PREX1: variants seen among roughly 807,000 people sequenced by gnomAD.
The protein encoded by PREX1 is phosphatidylinositol-3,4,5-trisphosphate dependent Rac exchange factor 1, also known as phosphatidylinositol 3,4,5-trisphosphate-dependent Rac exchanger 1 protein.
PREX1 carries 41 observed loss-of-function variants against 198.3 expected under a neutral mutation model. The ratio of observed to expected loss-of-function variants is 0.21; its 90% CI spans 0.16 to 0.27. The LOEUF is 0.27. Among genes scored for constraint, PREX1 ranks in the 10% least tolerant of loss-of-function variants. The pLI is 1.00. For synonymous variants in PREX1, 843 were observed against 887.2 expected (o/e 0.95, Z 0.89); for missense variants, 1,620 against 2,200.7 (o/e 0.74, Z 5.28).
chr20:48,661,963 C>T (rs1044561053), intron 15 of PREX1, among the ~76,000 whole-genome samples: 1 of 152,192 alleles, frequency 6.6e-6, no homozygotes, highest in African/African-American at 2.4e-5. Flanking sequence ...CCAGTGGGTG[C>T]CTGAAACAAG....
intron 32 of PREX1, among the ~76,000 whole-genome samples, chr20:48,635,458 T>A (rs1410317223): frequency 6.6e-6 from 1 of 152,208 alleles, no homozygotes; most frequent in East Asian, 1.9e-4. Flanking sequence ...TGCTTCCAGA[T>A]TAAAGTCTCA....
chr20:48,631,871 C>T (rs1461317506), intron 35 of PREX1, among the ~76,000 whole-genome samples: 1 of 152,138 alleles, frequency 6.6e-6, no homozygotes, highest in Non-Finnish European at 1.5e-5. Context: ...TCTGAGCAGC[C>T]AAGACCCTGG....
chr20:48,785,335 C>T (rs528739155), intron 1 of PREX1, among the ~76,000 whole-genome samples: 5 of 152,234 alleles, frequency 3.3e-5, no homozygotes, highest in African/African-American at 1.2e-4. Flanking sequence ...GTGGCTGCCC[C>T]GCTCCCACAC....
At chr20:48,833,332 T>C in the PREX1 span, among the ~76,000 whole-genome samples, 2,119 of 152,174 alleles carry the variant, frequency 0.014, 44 homozygotes, top group African/African-American at 0.048. Flanking sequence ...GTCACTGAGA[T>C]CCTGAATTAA....
intron 2 of PREX1, among the ~76,000 whole-genome samples, chr20:48,745,358 G>A (rs770733653): frequency 8.5e-5 from 13 of 152,158 alleles, no homozygotes; most frequent in Non-Finnish European, 1.8e-4. Context: ...GTGACTAATC[G>A]TGTGTTAAGA....
At chr20:48,696,497 A>C (rs953085882) in intron 7 of PREX1, among the ~76,000 whole-genome samples, 1 of 152,198 alleles carries the variant, frequency 6.6e-6, no homozygotes, top group South Asian at 2.1e-4. Flanking sequence ...AGGACTTGGA[A>C]TCCAGTAATA....
At chr20:48,807,153 C>T (rs1034589855) in intron 1 of PREX1, among the ~76,000 whole-genome samples, 1 of 152,102 alleles carries the variant, frequency 6.6e-6, no homozygotes, top group Non-Finnish European at 1.5e-5. Context: ...ACTAGTGTAG[C>T]AATGCCAAAA....
the PREX1 span, among the ~76,000 whole-genome samples, chr20:48,851,971 C>T: frequency 1.3e-4 from 20 of 152,048 alleles, no homozygotes; most frequent in African/African-American, 3.9e-4. Context: ...AAGGACCTTT[C>T]GAGAATTCCA....
intron 10 of PREX1, among the ~76,000 whole-genome samples, chr20:48,683,609 G>A (rs1384840071): frequency 1.3e-5 from 2 of 152,220 alleles, no homozygotes; most frequent in Non-Finnish European, 2.9e-5. Flanking sequence ...AGACTGTGCA[G>A]AACCAGCCGG....
chr20:48,772,111 T>G (rs6125461), intron 1 of PREX1, among the ~76,000 whole-genome samples: 11,274 of 152,130 alleles, frequency 0.074, 603 homozygotes, highest in East Asian at 0.14. Context: ...AGAGAATCGC[T>G]CGAACCTGGG....
the PREX1 span, among the ~76,000 whole-genome samples, chr20:48,836,792 G>T: frequency 4.0e-5 from 6 of 148,850 alleles, no homozygotes; most frequent in East Asian, 1.2e-3. Context: ...GCACACACTT[G>T]TAATCCCCAC....
intron 1 of PREX1, among the ~76,000 whole-genome samples, chr20:48,795,336 A>G (rs1236651943): frequency 6.6e-6 from 1 of 152,190 alleles, no homozygotes; most frequent in Non-Finnish European, 1.5e-5. Context: ...ACATACAGAG[A>G]GGCTCAAAGA....
At chr20:48,877,479 ATAGCT>A in the PREX1 span, among the ~76,000 whole-genome samples, 1 of 152,060 alleles carries the variant, frequency 6.6e-6, no homozygotes. Flanking sequence ...CAGTGGCAAA[ATAGCT>A]TAGCAACACC....
At chr20:48,760,575 G>T (rs1257344059) in intron 1 of PREX1, among the ~76,000 whole-genome samples, 2 of 152,090 alleles carry the variant, frequency 1.3e-5, no homozygotes, top group African/African-American at 4.8e-5. Flanking sequence ...TAAGTGAAAT[G>T]ATGCAGGTGA....
chr20:48,631,287 G>GA (rs1352327730), intron 35 of PREX1, among the ~76,000 whole-genome samples: 1 of 152,220 alleles, frequency 6.6e-6, no homozygotes, highest in Non-Finnish European at 1.5e-5. Flanking sequence ...CAGAGGATGT[G>GA]AAAATGAGTG....
At chr20:48,796,641 T>C (rs1287969863) in intron 1 of PREX1, among the ~76,000 whole-genome samples, 1 of 151,150 alleles carries the variant, frequency 6.6e-6, no homozygotes. Context: ...TATACATATA[T>C]ACTGTATATA....
chr20:48,694,628 G>A (rs2089836094), intron 7 of PREX1, among the ~76,000 whole-genome samples: 1 of 152,230 alleles, frequency 6.6e-6, no homozygotes. Flanking sequence ...TGGGCTGTAT[G>A]CTCACCAAGA....
At chr20:48,626,852 G>A (rs992702091) in intron 39 of PREX1, among the ~76,000 whole-genome samples, 24 of 152,206 alleles carry the variant, frequency 1.6e-4, no homozygotes, top group African/African-American at 5.6e-4. Context: ...AAACTTGTGG[G>A]CAGATGACGA....
chr20:48,845,820 T>A, the PREX1 span, among the ~76,000 whole-genome samples: 1 of 151,836 alleles, frequency 6.6e-6, no homozygotes. Context: ...GGTGGTAATG[T>A]GGAGACAGGC....
Sources: allele counts gnomAD v4.1 joint callset (sites outside exome capture counted in the v4.1 genomes callset), GRCh38; gene constraint gnomAD v4.1.1; transcripts MANE v1.5; gene names NCBI Gene and HGNC (gene_info 2026-07-23, HGNC 2026-07-21).